Variants in DPP10 observed in about 807,000 individuals in gnomAD.
DPP10 encodes the protein dipeptidyl peptidase like 10.
A neutral mutation model predicts 120.9 loss-of-function variants in DPP10; 33 were observed. The observed-to-expected ratio is 0.27, with a 90% CI of 0.21 to 0.37. The LOEUF (loss-of-function observed/expected upper bound fraction) is 0.37. DPP10 is among the 10% of genes least tolerant of loss of function. The pLI, the probability that DPP10 is intolerant of heterozygous loss-of-function variation, is 1.00. For missense variants in DPP10, 816 were observed against 942.8 expected, an observed-to-expected ratio of 0.87 and a Z score of 1.76; for synonymous variants, 337 against 326.1, an observed-to-expected ratio of 1.03 and a Z score of -0.36.
chr2:115,263,057 A>G (rs2059321387), intron 1 of DPP10, among the ~76,000 whole-genome samples: 1 of 152,162 alleles, frequency 6.6e-6, no homozygotes, highest in African/African-American at 2.4e-5. Flanking sequence ...TGAGTCTGGA[A>G]GTGATTACCG....
At chr2:114,956,773 G>C (rs1359222655) in intron 1 of DPP10, among the ~76,000 whole-genome samples, 1 of 152,034 alleles carries the variant, frequency 6.6e-6, no homozygotes, top group Non-Finnish European at 1.5e-5. Context: ...ACAGTATGGA[G>C]AGCCCAGAAA....
intron 2 of DPP10, among the ~76,000 whole-genome samples, chr2:115,318,820 C>G (rs1295132239): frequency 6.6e-6 from 1 of 152,042 alleles, no homozygotes; most frequent in Non-Finnish European, 1.5e-5. Flanking sequence ...TGTAGATTAT[C>G]TGAGATTTTC....
chr2:115,401,638 A>C (rs1044570893), intron 3 of DPP10, among the ~76,000 whole-genome samples: 8 of 152,328 alleles, frequency 5.3e-5, no homozygotes, highest in African/African-American at 1.4e-4. Flanking sequence ...AAAACAAGGC[A>C]TAAAAATACA....
intron 5 of DPP10, among the ~76,000 whole-genome samples, chr2:115,611,801 T>A (rs2084120649): frequency 6.6e-6 from 1 of 152,092 alleles, no homozygotes; most frequent in Non-Finnish European, 1.5e-5. Context: ...TGAAGTCACT[T>A]GATTTTCTGA....
chr2:115,342,399 A>G (rs1278622538), intron 2 of DPP10, among the ~76,000 whole-genome samples: 1 of 151,992 alleles, frequency 6.6e-6, no homozygotes, highest in Admixed American at 6.6e-5. Flanking sequence ...ATTTTGGTTG[A>G]CACGGAGTTT....
intron 1 of DPP10, among the ~76,000 whole-genome samples, chr2:114,999,925 C>T (rs1243130106): frequency 6.6e-6 from 1 of 152,108 alleles, no homozygotes; most frequent in Non-Finnish European, 1.5e-5. Flanking sequence ...ATATATTATA[C>T]TTCCTGCTAA....
chr2:115,772,288 C>A (rs1681571957), intron 13 of DPP10, among the ~76,000 whole-genome samples: 1 of 151,972 alleles, frequency 6.6e-6, no homozygotes, highest in African/African-American at 2.4e-5. Context: ...AATTTAGTGG[C>A]AATTTGTTGT....
Position 114,725,944 on chromosome 2 carries a change from T to C in DPP10, c.60+283106T>C, listed in dbSNP as rs17043431. On this transcript the variant is annotated intron_variant, in intron 1 of 25. Transcript: ENST00000410059. Reference sequence around the variant, plus strand: ...ATGGAAGTGATTTCAGCAAAAGTTCTTCTATAGGCTGGGTGCAGTGGCTCA... The same window carrying C: ...ATGGAAGTGATTTCAGCAAAAGTTCCTCTATAGGCTGGGTGCAGTGGCTCA... Among the ~76,000 whole-genome samples, 1,467 of 152,218 alleles carry C rather than the reference T, an allele frequency of 9.6e-3. 18 individuals are homozygous for C. The highest frequency in any genetic ancestry group is 0.034 in the African/African-American group (1,403 of 41,524).
chr2:114,498,700 T>A (rs1682891627), intron 1 of DPP10, among the ~76,000 whole-genome samples: 1 of 152,164 alleles, frequency 6.6e-6, no homozygotes. Context: ...TGATAACTAA[T>A]CCCATGATAA....
chr2:115,817,679 GT>G (rs74265875), intron 21 of DPP10, among the ~76,000 whole-genome samples: 61,013 of 148,440 alleles, frequency 0.41, 14,753 homozygotes, highest in East Asian at 0.67. Flanking sequence ...TTAGTTTTTT[GT>G]TTTTTTTTTT....
At position 114,589,098 on chromosome 2, in the gene DPP10, A is replaced by T. The variant is rs374403507; in HGVS notation, c.60+146260A>T. On this transcript the variant is annotated intron_variant, in intron 1 of 25. Coordinates refer to ENST00000410059, the MANE Select transcript of DPP10 (RefSeq NM_020868.6). Reference sequence around the variant, plus strand: ...CTGGAAATAAACAAGATTTTATTGTAGCACCTTACTAGTGAGCATCCTGTA... The same window carrying T: ...CTGGAAATAAACAAGATTTTATTGTTGCACCTTACTAGTGAGCATCCTGTA... Among the ~76,000 whole-genome samples, 10 of 151,968 alleles carry T rather than the reference A, an allele frequency of 6.6e-5. 1 individual carries two copies. The East Asian group carries it at 1.2e-3, about 18-fold the overall frequency.
intron 5 of DPP10, among the ~76,000 whole-genome samples, chr2:115,545,754 G>C (rs996063128): frequency 6.6e-6 from 1 of 152,058 alleles, no homozygotes; most frequent in African/African-American, 2.4e-5. Context: ...GGCTCACAAA[G>C]ACTATATGGG....
chr2:114,608,799 A>G (rs369411042), intron 1 of DPP10, among the ~76,000 whole-genome samples: 3 of 152,166 alleles, frequency 2.0e-5, no homozygotes, highest in Admixed American at 6.6e-5. Context: ...CAGGAAACCA[A>G]ATACTACATA....
chr2:115,435,432 T>G (rs1181489663), intron 3 of DPP10, among the ~76,000 whole-genome samples: 1 of 151,916 alleles, frequency 6.6e-6, no homozygotes, highest in Non-Finnish European at 1.5e-5. Context: ...TTGATTCTAA[T>G]TTCCCTGATG....
chr2:115,136,486 C>T (rs1215776601), intron 1 of DPP10, among the ~76,000 whole-genome samples: 4 of 152,166 alleles, frequency 2.6e-5, no homozygotes, highest in African/African-American at 9.7e-5. Context: ...AAAAATTATT[C>T]TTCTTGAAAG....
chr2:115,617,234 C>A (rs1223663310), intron 5 of DPP10, among the ~76,000 whole-genome samples: 5 of 140,750 alleles, frequency 3.6e-5, no homozygotes, highest in Non-Finnish European at 7.6e-5. Flanking sequence ...ATGGATAGTA[C>A]CAAACCCTGT....
intron 1 of DPP10, among the ~76,000 whole-genome samples, chr2:115,070,162 A>G (rs1292129757): frequency 1.3e-5 from 2 of 152,118 alleles, no homozygotes; most frequent in Non-Finnish European, 2.9e-5. Context: ...TGGTGATAAG[A>G]GCTAATACTT....
At chr2:114,961,083 C>CTTTTT (rs1553461614) in intron 1 of DPP10, among the ~76,000 whole-genome samples, 2 of 75,276 alleles carry the variant, frequency 2.7e-5, no homozygotes, top group African/African-American at 1.1e-4. Flanking sequence ...CAGAGTTTCG[C>CTTTTT]TTTTGTTGCC....
chr2:114,603,050 T>C (rs1284681245), intron 1 of DPP10, among the ~76,000 whole-genome samples: 2 of 152,056 alleles, frequency 1.3e-5, no homozygotes, highest in Admixed American at 6.6e-5. Context: ...CCTCATTGTC[T>C]GTCTTGCCAT....
Sources: gnomAD v4.1 joint callset for allele counts (sites outside exome capture counted in the v4.1 genomes callset) on GRCh38, gnomAD v4.1.1 for gene constraint, MANE v1.5 for transcripts, NCBI Gene and HGNC (gene_info 2026-07-23, HGNC 2026-07-21) for gene names.